Variants in MTCL3 observed in about 807,000 individuals in gnomAD.
The protein encoded by MTCL3 is MTCL family member 3.
the MTCL3 span, among the ~76,000 whole-genome samples, chr6:127,498,782 T>A: frequency 6.6e-6 from 1 of 152,082 alleles, no homozygotes; most frequent in African/African-American, 2.4e-5. Context: ...GGGATGAACC[T>A]CAAAAACACT....
chr6:127,516,336 G>C, the MTCL3 span: 1 of 1,594,022 alleles, frequency 6.3e-7, no homozygotes, highest in Non-Finnish European at 8.5e-7. Flanking sequence ...CTCGGATGCT[G>C]GCGGGCGGCC....
the MTCL3 span, among the ~76,000 whole-genome samples, chr6:127,498,004 A>G: frequency 2.1e-3 from 325 of 152,336 alleles, 2 homozygotes; most frequent in African/African-American, 7.3e-3. Flanking sequence ...AGGAAAAGAA[A>G]AAACATTGAA....
the MTCL3 span, chr6:127,482,999 G>A: frequency 2.7e-5 from 42 of 1,581,740 alleles, 1 homozygote; most frequent in Middle Eastern, 3.1e-3. This position sits in a 1 kb window ranked among gnomAD's most constrained non-coding sequence, Gnocchi z 4.1. Context: ...AACAAAGCAT[G>A]AATATATTTA....
At chr6:127,486,738 G>C in the MTCL3 span, among the ~76,000 whole-genome samples, 8 of 152,260 alleles carry the variant, frequency 5.3e-5, no homozygotes, top group African/African-American at 1.9e-4. Context: ...AGGAATTAGA[G>C]AGTTTTGCCA....
At chr6:127,518,118 A>C in the MTCL3 span, among the ~76,000 whole-genome samples, 1 of 152,222 alleles carries the variant, frequency 6.6e-6, no homozygotes, top group African/African-American at 2.4e-5. Flanking sequence ...TGAACAAAGA[A>C]GACATCGGGG....
At chr6:127,517,123 T>C in the MTCL3 span, among the ~76,000 whole-genome samples, 3 of 152,256 alleles carry the variant, frequency 2.0e-5, no homozygotes, top group Non-Finnish European at 4.4e-5. Context: ...CAAATCCATA[T>C]GTAAAGCCTA....
At chr6:127,515,010 A>C in the MTCL3 span, 1 of 1,613,872 alleles carries the variant, frequency 6.2e-7, no homozygotes, top group African/African-American at 1.3e-5. This position sits in a 1 kb window ranked among gnomAD's most constrained non-coding sequence, Gnocchi z 4.3. Context: ...AGTGTCCCTC[A>C]TCTCGTCCAT....
chr6:127,477,077 G>A, the MTCL3 span, among the ~76,000 whole-genome samples: 1 of 152,238 alleles, frequency 6.6e-6, no homozygotes, highest in Non-Finnish European at 1.5e-5. Flanking sequence ...TGATTTCTGT[G>A]TCACTTAGGA....
At chr6:127,510,871 C>T in the MTCL3 span, among the ~76,000 whole-genome samples, 13 of 152,118 alleles carry the variant, frequency 8.5e-5, no homozygotes, top group Admixed American at 4.6e-4. Flanking sequence ...AAGTCCTAAC[C>T]CCCAGCTGCT....
chr6:127,475,905 C>T, the MTCL3 span: 3 of 1,613,366 alleles, frequency 1.9e-6, no homozygotes, highest in Non-Finnish European at 2.5e-6. This position sits in a 1 kb window ranked among gnomAD's most constrained non-coding sequence, Gnocchi z 7.3. Flanking sequence ...GCAGGCGCGC[C>T]GCCTTCAGCT....
the MTCL3 span, among the ~76,000 whole-genome samples, chr6:127,507,871 G>GAAA: frequency 1.8e-5 from 2 of 110,982 alleles, no homozygotes; most frequent in East Asian, 2.5e-4. Flanking sequence ...AAAAAAAAAA[G>GAAA]AAAAAAAATG....
chr6:127,518,340 C>A, the MTCL3 span, among the ~76,000 whole-genome samples: 13 of 152,252 alleles, frequency 8.5e-5, no homozygotes, highest in Non-Finnish European at 1.3e-4. Flanking sequence ...ACAGCATTAA[C>A]CCAGGCGAAA....
At chr6:127,476,539 G>A in the MTCL3 span, 2 of 1,221,444 alleles carry the variant, frequency 1.6e-6, no homozygotes, top group Non-Finnish European at 2.3e-6. This position sits in a 1 kb window ranked among gnomAD's most constrained non-coding sequence, Gnocchi z 4.4. Context: ...AACCAAAAGA[G>A]GACACCTGGA....
At chr6:127,502,323 G>C in the MTCL3 span, among the ~76,000 whole-genome samples, 1 of 152,200 alleles carries the variant, frequency 6.6e-6, no homozygotes, top group Admixed American at 6.5e-5. Flanking sequence ...AGGTAGAAGA[G>C]AGATATTTAA....
At chr6:127,504,800 G>A in the MTCL3 span, among the ~76,000 whole-genome samples, 1 of 152,160 alleles carries the variant, frequency 6.6e-6, no homozygotes, top group African/African-American at 2.4e-5. Flanking sequence ...AGAAGTCATA[G>A]GGAATAAAAA....
At chr6:127,508,619 A>G in the MTCL3 span, among the ~76,000 whole-genome samples, 1 of 152,204 alleles carries the variant, frequency 6.6e-6, no homozygotes, top group Non-Finnish European at 1.5e-5. Context: ...TGGGTGAGGT[A>G]TGAGACAATA....
At chr6:127,515,908 C>T in the MTCL3 span, 16 of 1,611,622 alleles carry the variant, frequency 9.9e-6, no homozygotes, top group South Asian at 1.6e-4. This position sits in a 1 kb window ranked among gnomAD's most constrained non-coding sequence, Gnocchi z 4.3. Context: ...CGCAACGCCG[C>T]TTCCGGAGTT....
the MTCL3 span, among the ~76,000 whole-genome samples, chr6:127,494,322 TAACTC>T: frequency 6.6e-6 from 1 of 152,090 alleles, no homozygotes; most frequent in Non-Finnish European, 1.5e-5. Context: ...ATGCTGAACT[TAACTC>T]TAGAAAATAT....
At chr6:127,516,378 T>C in the MTCL3 span, 14 of 1,600,782 alleles carry the variant, frequency 8.7e-6, no homozygotes, top group Admixed American at 1.7e-5. Context: ...TACCCTGCTG[T>C]TGCTGCTGCT....
Sources: allele counts gnomAD v4.1 joint callset (sites outside exome capture counted in the v4.1 genomes callset), GRCh38; gene constraint gnomAD v4.1.1; non-coding constraint Gnocchi (gnomAD v3.1); transcripts MANE v1.5; gene names NCBI Gene and HGNC (gene_info 2026-07-23, HGNC 2026-07-21).